SPOCK3: variants seen among roughly 807,000 people sequenced by gnomAD.
SPOCK3 encodes the protein SPARC (osteonectin), cwcv and kazal like domains proteoglycan 3, also known as testican-3.
Under a neutral mutation model 56.6 loss-of-function variants are expected in SPOCK3, and 30 were observed. The ratio of observed to expected loss-of-function variants is 0.53; its 90% confidence interval spans 0.40 to 0.72. SPOCK3 has a LOEUF of 0.72. Among genes scored for constraint, SPOCK3 ranks in the 30% least tolerant of loss-of-function variants. The pLI, the probability that SPOCK3 is intolerant of heterozygous loss-of-function variation, is 0.00. For missense variants in SPOCK3, 527 were observed against 530.0 expected, an observed-to-expected ratio of 0.99 and a Z score of 0.06; for synonymous variants, 196 against 183.3, an observed-to-expected ratio of 1.07 and a Z score of -0.56.
intron 8 of SPOCK3, among the ~76,000 whole-genome samples, chr4:166,747,877 C>T (rs1203906858): frequency 6.6e-6 from 1 of 151,948 alleles, no homozygotes; most frequent in Non-Finnish European, 1.5e-5. Context: ...AGTGAACTCC[C>T]ATTCATAATT....
chr4:166,852,587 G>A (rs986352934), intron 6 of SPOCK3, among the ~76,000 whole-genome samples: 4 of 152,114 alleles, frequency 2.6e-5, no homozygotes, highest in Non-Finnish European at 5.9e-5. Flanking sequence ...ACCAACCATA[G>A]AGGGATTCTG....
At chr4:167,216,390 G>A (rs1254520360) in intron 2 of SPOCK3, among the ~76,000 whole-genome samples, 1 of 152,026 alleles carries the variant, frequency 6.6e-6, no homozygotes, top group African/African-American at 2.4e-5. Flanking sequence ...AAAAATAATT[G>A]ATCAAAAAAG....
intron 2 of SPOCK3, chr4:167,119,712 T>C: frequency 7.1e-6 from 7 of 982,784 alleles, no homozygotes; most frequent in Non-Finnish European, 9.1e-6. Flanking sequence ...AGTATTTAAA[T>C]AGAGAACGTT....
At chr4:167,103,859 C>G (rs1454351375) in intron 2 of SPOCK3, among the ~76,000 whole-genome samples, 2 of 152,160 alleles carry the variant, frequency 1.3e-5, no homozygotes, top group Non-Finnish European at 2.9e-5. Context: ...TTGCTTGTGC[C>G]TCCTCATGCC....
intron 4 of SPOCK3, among the ~76,000 whole-genome samples, chr4:166,982,849 T>G (rs1746734282): frequency 1.3e-5 from 2 of 152,156 alleles, no homozygotes; most frequent in South Asian, 4.1e-4. Context: ...AGGCCATACT[T>G]GTACTTAAAT....
intron 3 of SPOCK3, among the ~76,000 whole-genome samples, chr4:167,021,143 C>A (rs1017969673): frequency 6.6e-6 from 1 of 151,934 alleles, no homozygotes; most frequent in Non-Finnish European, 1.5e-5. Context: ...AAAACTTAAT[C>A]TTAAAATAAA....
chr4:167,109,519 T>TTATATATTTTATATAAAATATAATATC (rs1760707934), intron 2 of SPOCK3, among the ~76,000 whole-genome samples: 1 of 124,200 alleles, frequency 8.1e-6, no homozygotes, highest in Non-Finnish European at 1.6e-5. Flanking sequence ...AATATAATAT[T>TTATATATTTTATATAAAATATAATATC]TATATATTTT....
At chr4:166,982,010 G>A (rs1039674218) in intron 4 of SPOCK3, among the ~76,000 whole-genome samples, 2 of 152,184 alleles carry the variant, frequency 1.3e-5, no homozygotes, top group African/African-American at 4.8e-5. Flanking sequence ...GTGGGAACAG[G>A]GGGGATCCTG....
At chr4:166,980,847 C>A (rs552547340) in intron 4 of SPOCK3, among the ~76,000 whole-genome samples, 26 of 152,302 alleles carry the variant, frequency 1.7e-4, no homozygotes, top group African/African-American at 6.3e-4. Context: ...GCTTGGGAGG[C>A]CCCTAAATCT....
At chr4:167,109,291 TATAA>T (rs1468897062) in intron 2 of SPOCK3, among the ~76,000 whole-genome samples, 3 of 89,398 alleles carry the variant, frequency 3.4e-5, no homozygotes, top group African/African-American at 9.1e-5. Context: ...TATTAATTAT[TATAA>T]ATAATAATTA....
In SPOCK3 at chr4:166,893,342, T is replaced by C. The variant is rs138605024; in HGVS notation, c.475-4098A>G. Among the ~76,000 whole-genome samples, 1,221 of 152,218 alleles carry C rather than the reference T, an allele frequency of 8.0e-3. 15 individuals carry two copies. Among genetic ancestry groups the C allele is most frequent in the African/African-American group, 0.027 (1,128 of 41,540 alleles). ...AGTAATCCATATAAAATAACAATTC[T>C]ACAAACCAACTGTCAATAACAATTC... On this transcript the variant is annotated intron_variant, in intron 5 of 10. Transcript: ENST00000357545.
chr4:167,180,537 T>G (rs1332631968), intron 2 of SPOCK3, among the ~76,000 whole-genome samples: 3 of 152,184 alleles, frequency 2.0e-5, no homozygotes, highest in Non-Finnish European at 4.4e-5. Context: ...AATATGTAAA[T>G]AGGTTCTAAT....
chr4:167,134,336 G>T, intron 2 of SPOCK3, among the ~76,000 whole-genome samples: 1 of 151,920 alleles, frequency 6.6e-6, no homozygotes, highest in East Asian at 1.9e-4. Flanking sequence ...CGTGGCGCTT[G>T]ATGACTTGTA....
intron 4 of SPOCK3, among the ~76,000 whole-genome samples, chr4:166,916,767 G>A (rs1267772616): frequency 6.6e-6 from 1 of 152,124 alleles, no homozygotes; most frequent in Non-Finnish European, 1.5e-5. Context: ...TTCTTCACTT[G>A]TGCAATGACA....
chr4:166,855,658 C>G (rs922593723), intron 6 of SPOCK3, among the ~76,000 whole-genome samples: 1 of 152,348 alleles, frequency 6.6e-6, no homozygotes, highest in African/African-American at 2.4e-5. Flanking sequence ...TTTAACCTTA[C>G]TTAATTCCTT....
At chr4:167,076,181 G>A (rs1310677444) in intron 2 of SPOCK3, among the ~76,000 whole-genome samples, 1 of 151,786 alleles carries the variant, frequency 6.6e-6, no homozygotes, top group African/African-American at 2.4e-5. Flanking sequence ...GAGGATTTGG[G>A]GAACAGGGAA....
chr4:166,740,403 A>C (rs905478657), intron 9 of SPOCK3, among the ~76,000 whole-genome samples: 1 of 151,842 alleles, frequency 6.6e-6, no homozygotes, highest in African/African-American at 2.4e-5. Context: ...AATAGAATTT[A>C]AGTAGAAAAT....
intron 6 of SPOCK3, among the ~76,000 whole-genome samples, chr4:166,874,538 T>C (rs1732879774): frequency 6.6e-6 from 1 of 152,174 alleles, no homozygotes; most frequent in South Asian, 2.1e-4. Flanking sequence ...TTACCTACAT[T>C]GTAGAAGAGG....
intron 7 of SPOCK3, among the ~76,000 whole-genome samples, chr4:166,765,529 C>A (rs555829831): frequency 6.6e-6 from 1 of 152,268 alleles, no homozygotes; most frequent in Non-Finnish European, 1.5e-5. Flanking sequence ...GGGCTCTGTT[C>A]TGTTCCATTG....
Sources: gnomAD v4.1 joint callset for allele counts (sites outside exome capture counted in the v4.1 genomes callset) on GRCh38, gnomAD v4.1.1 for gene constraint, MANE v1.5 for transcripts, NCBI Gene and HGNC (gene_info 2026-07-23, HGNC 2026-07-21) for gene names.